CNTN4: variants seen among roughly 807,000 people sequenced by gnomAD.
CNTN4 encodes contactin 4, also known as contactin-4.
In CNTN4, 77 loss-of-function variants were observed where a neutral mutation model predicts 122.5. The ratio of observed to expected loss-of-function variants is 0.63; its 90% CI spans 0.52 to 0.76. The LOEUF (loss-of-function observed/expected upper bound fraction) is 0.76, where lower values mean the gene tolerates loss of function less well. Among genes scored for constraint, CNTN4 ranks in the 30% least tolerant of loss-of-function variants. The probability of loss-of-function intolerance (pLI) is 0.00; values close to 1 mark genes in which losing one functional copy is unlikely to be tolerated. For missense variants in CNTN4, 1,256 were observed against 1,259.1 expected (o/e 1.00, Z 0.04); for synonymous variants, 512 against 447.0 (o/e 1.15, Z -1.83).
At chr3:2,840,606 G>A (rs4684361) in intron 7 of CNTN4, among the ~76,000 whole-genome samples, 36,399 of 73,400 alleles carry the variant, frequency 0.5, 10,792 homozygotes, top group East Asian at 0.75. Flanking sequence ...GGCTGAGGCG[G>A]GAGAATGGCG....
chr3:2,863,865 AC>A, intron 7 of CNTN4, among the ~76,000 whole-genome samples: 1 of 152,292 alleles, frequency 6.6e-6, no homozygotes, highest in East Asian at 1.9e-4. Flanking sequence ...TGATCATGTA[AC>A]CCTTTGAGTT....
chr3:2,758,396 A>G (rs1362391769), intron 6 of CNTN4, among the ~76,000 whole-genome samples: 1 of 152,188 alleles, frequency 6.6e-6, no homozygotes. Flanking sequence ...CCTTAAACAA[A>G]GAAATAGAAT....
chr3:2,786,255 C>CACTG (rs1359767119), intron 6 of CNTN4, among the ~76,000 whole-genome samples: 2 of 152,164 alleles, frequency 1.3e-5, no homozygotes, highest in Non-Finnish European at 2.9e-5. Flanking sequence ...GAGGCTGTCA[C>CACTG]ACTGACCCTC....
intron 8 of CNTN4, among the ~76,000 whole-genome samples, chr3:2,877,382 ATTG>A (rs943132980): frequency 3.9e-5 from 6 of 152,218 alleles, no homozygotes; most frequent in Admixed American, 2.0e-4. Flanking sequence ...CTTCATTACT[ATTG>A]TTGTATCTCT....
chr3:3,012,577 G>A (rs1697341659), intron 14 of CNTN4, among the ~76,000 whole-genome samples: 1 of 151,858 alleles, frequency 6.6e-6, no homozygotes. Context: ...AACCTCCCAA[G>A]TAGCTGGGAT....
chr3:2,111,449 A>G (rs1170819000), intron 2 of CNTN4, among the ~76,000 whole-genome samples: 1 of 152,170 alleles, frequency 6.6e-6, no homozygotes, highest in African/African-American at 2.4e-5. Flanking sequence ...ATATTAAGGT[A>G]AACTCTTAAG....
intron 12 of CNTN4, among the ~76,000 whole-genome samples, chr3:2,921,862 C>A (rs531214276): frequency 6.6e-6 from 1 of 152,200 alleles, no homozygotes; most frequent in South Asian, 2.1e-4. Context: ...ACTTAAAATA[C>A]CCTTGATATA....
At chr3:2,806,144 G>A (rs889084833) in intron 6 of CNTN4, among the ~76,000 whole-genome samples, 3 of 151,902 alleles carry the variant, frequency 2.0e-5, no homozygotes, top group South Asian at 2.1e-4. Context: ...CTCGGGATCC[G>A]CCTGCCTCGG....
At chr3:2,449,068 G>A (rs1002151478) in intron 3 of CNTN4, among the ~76,000 whole-genome samples, 6 of 152,144 alleles carry the variant, frequency 3.9e-5, no homozygotes, top group Admixed American at 2.0e-4. Context: ...TTATATAACT[G>A]TTTAATCAAA....
intron 7 of CNTN4, among the ~76,000 whole-genome samples, chr3:2,849,961 C>G (rs1359068484): frequency 6.6e-6 from 1 of 151,164 alleles, no homozygotes; most frequent in Non-Finnish European, 1.5e-5. Flanking sequence ...TGAAATGTTT[C>G]CATTTTGGAA....
chr3:2,727,816 A>G (rs769615523), intron 4 of CNTN4, among the ~76,000 whole-genome samples: 106 of 152,368 alleles, frequency 7.0e-4, no homozygotes, highest in Admixed American at 1.8e-3. Context: ...GCCTTCAGAC[A>G]TACACCAGCT....
intron 6 of CNTN4, among the ~76,000 whole-genome samples, chr3:2,789,172 C>T (rs1362404722): frequency 6.6e-6 from 1 of 152,106 alleles, no homozygotes; most frequent in South Asian, 2.1e-4. Context: ...AAATACTGGT[C>T]TCTAGAACCA....
intron 7 of CNTN4, among the ~76,000 whole-genome samples, chr3:2,849,705 G>A (rs2093515038): frequency 1.3e-5 from 2 of 152,174 alleles, no homozygotes; most frequent in Non-Finnish European, 2.9e-5. Flanking sequence ...ATTTGCTTTA[G>A]GAATGCACGT....
intron 3 of CNTN4, among the ~76,000 whole-genome samples, chr3:2,433,987 C>T (rs1339323462): frequency 1.3e-5 from 2 of 151,902 alleles, no homozygotes; most frequent in African/African-American, 4.8e-5. Flanking sequence ...GTGATGGTTA[C>T]CAGAGGCTGG....
intron 4 of CNTN4, among the ~76,000 whole-genome samples, chr3:2,730,837 C>T (rs893716393): frequency 3.3e-5 from 5 of 152,064 alleles, no homozygotes; most frequent in African/African-American, 2.4e-5. Context: ...TGCCCAGCCT[C>T]GCTTCCAGCA....
At chr3:3,045,883 A>C (rs552461719) in intron 23 of CNTN4, among the ~76,000 whole-genome samples, 1 of 152,192 alleles carries the variant, frequency 6.6e-6, no homozygotes, top group Non-Finnish European at 1.5e-5. Flanking sequence ...ACCTTGAAAA[A>C]AGGTTAGACA....
At chr3:2,897,475 T>C (rs1423941203) in intron 10 of CNTN4, among the ~76,000 whole-genome samples, 1 of 151,956 alleles carries the variant, frequency 6.6e-6, no homozygotes, top group Admixed American at 6.6e-5. Context: ...GCTTCTGAAA[T>C]AATAGTATTG....
rs538762827 is a variant in CNTN4, at chr3:2,816,820, C to CAA, written c.359-2645_359-2644dup. On this transcript the variant is annotated intron_variant, in intron 6 of 24. Coordinates refer to ENST00000418658, the MANE Select transcript of CNTN4 (RefSeq NM_175607.3). ...TGGCAACAGAGTGAGACTCTGTCTC[C>CAA]AAAAAAAAAAAAAAAAAAAAAAGAA... is the stretch of plus-strand genomic sequence containing the variant. 4.0e-3 allele frequency among the ~76,000 whole-genome samples: 295 copies of CAA among 73,116 alleles called. 1 individual carries two copies. The highest frequency in any genetic ancestry group is 0.012 in the Middle Eastern group (1 of 82). 48.0% of individuals were successfully genotyped at this position (73,116 alleles called of 152,430 possible). A position where few individuals can be genotyped will look rare whatever the true frequency, so the allele number is the denominator to read the frequency against.
chr3:2,242,383 TAGAA>T (rs1011732096), intron 2 of CNTN4, among the ~76,000 whole-genome samples: 2 of 152,128 alleles, frequency 1.3e-5, no homozygotes, highest in African/African-American at 4.8e-5. Context: ...AGACTCAAGA[TAGAA>T]AGGATTCATT....
Sources: allele counts gnomAD v4.1 joint callset (sites outside exome capture counted in the v4.1 genomes callset), GRCh38; gene constraint gnomAD v4.1.1; transcripts MANE v1.5; gene names NCBI Gene and HGNC (gene_info 2026-07-23, HGNC 2026-07-21).